The following OR51B5 variants were observed in gnomAD, a reference collection of about 807,000 sequenced individuals.
OR51B5 encodes olfactory receptor 51B5.
For missense variants in OR51B5, 456 were observed against 374.6 expected (o/e 1.22, Z -1.79); for synonymous variants, 186 against 144.8 (o/e 1.28, Z -2.04).
At chr11:5,360,992 G>T (rs1216121035) in intron 1 of OR51B5, among the ~76,000 whole-genome samples, 1 of 151,358 alleles carries the variant, frequency 6.6e-6, no homozygotes, top group East Asian at 1.9e-4. Context: ...GCCTGCAGTG[G>T]GGTGGGGGTC....
intron 1 of OR51B5, chr11:5,423,002 A>C: frequency 6.2e-7 from 1 of 1,614,108 alleles, no homozygotes; most frequent in Non-Finnish European, 8.5e-7. Flanking sequence ...TCGCTTTGCC[A>C]AGCATGCCTC....
At chr11:5,397,172 AG>A (rs1318569993) in intron 1 of OR51B5, among the ~76,000 whole-genome samples, 1 of 152,230 alleles carries the variant, frequency 6.6e-6, no homozygotes, top group East Asian at 1.9e-4. Context: ...AAACACCAAA[AG>A]CAATGGCAAC....
chr11:5,342,885 T>G (rs1169835954), exon 1 of OR51B5: 7 of 1,613,496 alleles, frequency 4.3e-6, no homozygotes, highest in Non-Finnish European at 5.1e-6. Flanking sequence ...ACATAGGAGA[T>G]GAAGATAATC....
chr11:5,390,418 G>T (rs1290800152), intron 1 of OR51B5: 1 of 1,503,312 alleles, frequency 6.7e-7, no homozygotes, highest in South Asian at 1.3e-5. Flanking sequence ...CCTATAAGAA[G>T]GCCCCAAATT....
At chr11:5,350,842 G>GGTAA (rs1158000520) in intron 1 of OR51B5, among the ~76,000 whole-genome samples, 2 of 152,100 alleles carry the variant, frequency 1.3e-5, no homozygotes, top group African/African-American at 4.8e-5. Flanking sequence ...AACACACACA[G>GGTAA]GTAAGTCACT....
intron 1 of OR51B5, among the ~76,000 whole-genome samples, chr11:5,467,581 T>C (rs1266831195): frequency 6.6e-6 from 1 of 152,268 alleles, no homozygotes; most frequent in Non-Finnish European, 1.5e-5. Context: ...CTGTTAAGTG[T>C]GCACCTGCCT....
At chr11:5,407,195 A>G (rs773241829) in intron 1 of OR51B5, among the ~76,000 whole-genome samples, 2 of 152,120 alleles carry the variant, frequency 1.3e-5, no homozygotes, top group Non-Finnish European at 2.9e-5. Context: ...ATTTTGTGAT[A>G]ATTTTTGAGC....
rs866881883 is a variant in OR51B5, at chr11:5,453,817, T to C, written n.84+51752A>G. The C allele has an allele frequency of 3.7e-6, 6 of 1,614,242 alleles. No homozygotes were observed. In the African/African-American group the frequency reaches 4.0e-5, roughly 11 times the overall value. On this transcript the variant is annotated intron_variant and non_coding_transcript_variant, in intron 1 of 4. Coordinates refer to the OR51B5 transcript ENST00000415970. ...TTTCTTATTCACTTCTTCTCCATGATGGAATCAGGTATTCTGCTGGCCATG... is the reference window on the plus strand; with the variant it reads ...TTTCTTATTCACTTCTTCTCCATGACGGAATCAGGTATTCTGCTGGCCATG...
chr11:5,369,361 T>C (rs886137852), intron 1 of OR51B5, among the ~76,000 whole-genome samples: 1 of 152,168 alleles, frequency 6.6e-6, no homozygotes, highest in Non-Finnish European at 1.5e-5. Context: ...TTAACAATAA[T>C]ATTTTAGCAG....
intron 1 of OR51B5, among the ~76,000 whole-genome samples, chr11:5,497,693 A>G (rs1590031016): frequency 6.6e-6 from 1 of 152,178 alleles, no homozygotes; most frequent in African/African-American, 2.4e-5. Context: ...AGTCAAAGAC[A>G]GAACATAAAG....
intron 1 of OR51B5, among the ~76,000 whole-genome samples, chr11:5,430,241 T>C (rs2133767680): frequency 6.6e-6 from 1 of 152,300 alleles, no homozygotes; most frequent in East Asian, 1.9e-4. Context: ...TTGGAAGATA[T>C]GGTTAGGTAA....
At chr11:5,498,617 T>C (rs2340355) in intron 1 of OR51B5, among the ~76,000 whole-genome samples, 3 of 152,138 alleles carry the variant, frequency 2.0e-5, no homozygotes, top group Admixed American at 6.5e-5. Flanking sequence ...TATACCAAGG[T>C]CACAATACAA....
In OR51B5 at chr11:5,453,830, T is replaced by G. The variant is rs777071009; in HGVS notation, n.84+51739A>C. 4 of 1,614,248 alleles carry G rather than the reference T, an allele frequency of 2.5e-6. No individual in the cohort carries two copies. In the Admixed American group the frequency reaches 6.7e-5, roughly 27 times the overall value. On this transcript the variant is annotated intron_variant and non_coding_transcript_variant, in intron 1 of 4. Transcript: ENST00000415970. ...TCTTCTCCATGATGGAATCAGGTAT[T>G]CTGCTGGCCATGAGTTTTGACCGCT...
chr11:5,428,177 A>T (rs947043217), intron 1 of OR51B5, among the ~76,000 whole-genome samples: 5 of 152,198 alleles, frequency 3.3e-5, no homozygotes, highest in African/African-American at 4.8e-5. Flanking sequence ...TCATAAAAAA[A>T]TTAAATATCA....
intron 1 of OR51B5, among the ~76,000 whole-genome samples, chr11:5,457,688 T>C (rs1850980367): frequency 6.6e-6 from 1 of 152,240 alleles, no homozygotes; most frequent in African/African-American, 2.4e-5. Context: ...GATATCTCAT[T>C]GAGGTTTTCA....
At chr11:5,387,265 C>T (rs1368575767) in intron 1 of OR51B5, among the ~76,000 whole-genome samples, 1 of 151,990 alleles carries the variant, frequency 6.6e-6, no homozygotes, top group Non-Finnish European at 1.5e-5. Context: ...ATGGCCAGAG[C>T]ACACAACTAT....
chr11:5,398,532 G>A (rs940633101), intron 1 of OR51B5, among the ~76,000 whole-genome samples: 1 of 152,168 alleles, frequency 6.6e-6, no homozygotes, highest in African/African-American at 2.4e-5. Context: ...AGGCTCAGAG[G>A]CCAGTTTCAC....
chr11:5,377,709 C>A (rs6578618), intron 1 of OR51B5, among the ~76,000 whole-genome samples: 143,273 of 149,832 alleles, frequency 0.96, 68,868 homozygotes, highest in Non-Finnish European at 0.98. Context: ...CTCCCATTCA[C>A]AATTGCTTCA....
chr11:5,495,728 C>T (rs1353588136), intron 1 of OR51B5, among the ~76,000 whole-genome samples: 3 of 152,236 alleles, frequency 2.0e-5, no homozygotes, highest in African/African-American at 2.4e-5. Context: ...ATAGTAAGTC[C>T]TTGCCTATCA....
Sources: gnomAD v4.1 joint callset for allele counts (sites outside exome capture counted in the v4.1 genomes callset) on GRCh38, gnomAD v4.1.1 for gene constraint, MANE v1.5 for transcripts, NCBI Gene and HGNC (gene_info 2026-07-23, HGNC 2026-07-21) for gene names.